Variants in TMEM272 observed in about 807,000 individuals in gnomAD.
TMEM272 encodes the protein transmembrane protein 272.
Under a neutral mutation model 3.7 loss-of-function variants are expected in TMEM272, and 8 were observed. That is an observed-to-expected ratio of 2.17 (90% CI 1.27 to 3.91). The LOEUF (loss-of-function observed/expected upper bound fraction) is 3.91. TMEM272 is among the 30% of genes most tolerant of loss of function. The probability of loss-of-function intolerance (pLI) is 0.00; values close to 1 mark genes in which losing one functional copy is unlikely to be tolerated. For synonymous variants in TMEM272, 63 were observed against 39.8 expected (o/e 1.58, Z -2.20); for missense variants, 166 against 91.5 (o/e 1.81, Z -3.32).
the TMEM272 span, among the ~76,000 whole-genome samples, chr13:51,866,859 G>A: frequency 1.3e-5 from 2 of 152,180 alleles, no homozygotes; most frequent in Non-Finnish European, 2.9e-5. Context: ...AAGTCTCATG[G>A]TCCCTGTGTT....
At chr13:51,908,553 G>A in the TMEM272 span, 34 of 1,489,914 alleles carry the variant, frequency 2.3e-5, no homozygotes, top group East Asian at 6.3e-4. Context: ...AAGAGGTGGA[G>A]GAACAAAGCC....
chr13:51,829,847 G>C (rs1045033422), intron 2 of TMEM272, among the ~76,000 whole-genome samples: 2 of 150,880 alleles, frequency 1.3e-5, no homozygotes, highest in African/African-American at 2.5e-5. Context: ...TGGAGCTAAA[G>C]GCACTTAAAA....
chr13:51,918,559 CTT>C, the TMEM272 span, among the ~76,000 whole-genome samples: 230 of 152,304 alleles, frequency 1.5e-3, no homozygotes, highest in Non-Finnish European at 4.1e-4. Context: ...GGGATTCACT[CTT>C]AGTCTCTGTA....
chr13:51,879,736 C>G, the TMEM272 span, among the ~76,000 whole-genome samples: 5 of 152,186 alleles, frequency 3.3e-5, no homozygotes, highest in Admixed American at 6.5e-5. Context: ...ACAACGGTGA[C>G]TTGCAAACGG....
the TMEM272 span, among the ~76,000 whole-genome samples, chr13:51,878,501 G>A: frequency 1.3e-5 from 2 of 151,996 alleles, no homozygotes; most frequent in African/African-American, 4.8e-5. Flanking sequence ...GAACAGCATG[G>A]GGGGGAATGC....
the TMEM272 span, among the ~76,000 whole-genome samples, chr13:51,860,638 C>CAAAA: frequency 3.8e-5 from 4 of 105,878 alleles, no homozygotes; most frequent in Non-Finnish European, 5.6e-5. Context: ...AAACATGTCT[C>CAAAA]AAAAAAAAAA....
chr13:51,859,752 G>C, the TMEM272 span, among the ~76,000 whole-genome samples: 2 of 152,060 alleles, frequency 1.3e-5, no homozygotes, highest in African/African-American at 2.4e-5. Flanking sequence ...CTTGGGAGTG[G>C]AAATCTCATT....
At chr13:51,931,559 A>G in the TMEM272 span, among the ~76,000 whole-genome samples, 2 of 152,186 alleles carry the variant, frequency 1.3e-5, no homozygotes, top group East Asian at 1.9e-4. Flanking sequence ...TGACGGGTGC[A>G]GCAAACCACA....
At chr13:51,863,226 G>A in the TMEM272 span, among the ~76,000 whole-genome samples, 1 of 152,228 alleles carries the variant, frequency 6.6e-6, no homozygotes, top group African/African-American at 2.4e-5. Context: ...GGTGCAGGCT[G>A]GGTAGGAAGG....
the TMEM272 span, among the ~76,000 whole-genome samples, chr13:51,863,082 A>C: frequency 5.1e-4 from 77 of 152,334 alleles, 1 homozygote; most frequent in Non-Finnish European, 9.3e-4. Flanking sequence ...ACAGGAATTC[A>C]AGCCCACCAC....
In TMEM272 at chr13:51,815,877, T is replaced by C. The variant is rs926604943; in HGVS notation, c.*874A>G. The C allele has an allele frequency of 6.6e-6, 1 of 152,202 alleles. No homozygotes were observed. The highest frequency in any genetic ancestry group is 1.9e-4 in the East Asian group (1 of 5,196). 9.4% of individuals were successfully genotyped at this position (152,202 alleles called of 1,614,324 possible). A position where few individuals can be genotyped will look rare whatever the true frequency, so the allele number is the denominator to read the frequency against. On this transcript the variant is annotated 3_prime_UTR_variant, in exon 5 of 5. Transcript: ENST00000629372. ...ATTAGGTTGAGGAGCTATTATTCGA[T>C]ATTTAAGCTCAGAAACCAAAAACAG...
intron 1 of TMEM272, among the ~76,000 whole-genome samples, chr13:51,840,118 G>A (rs1340240609): frequency 6.6e-6 from 1 of 152,136 alleles, no homozygotes; most frequent in Non-Finnish European, 1.5e-5. Flanking sequence ...AAGTCACCCA[G>A]CTAGTAAGTG....
the TMEM272 span, among the ~76,000 whole-genome samples, chr13:51,872,843 TA>T: frequency 6.6e-6 from 1 of 152,274 alleles, no homozygotes; most frequent in African/African-American, 2.4e-5. Flanking sequence ...CTCCAAGTTT[TA>T]TTCTTAGACG....
the TMEM272 span, among the ~76,000 whole-genome samples, chr13:51,912,828 T>C: frequency 1.3e-5 from 2 of 152,162 alleles, no homozygotes; most frequent in Non-Finnish European, 2.9e-5. Context: ...ACTGAATGGA[T>C]GAATGAATAC....
At chr13:51,928,108 C>G in the TMEM272 span, among the ~76,000 whole-genome samples, 2 of 152,008 alleles carry the variant, frequency 1.3e-5, no homozygotes, top group Non-Finnish European at 2.9e-5. Context: ...AACTGGGGGT[C>G]TGGCCTGGTG....
chr13:51,852,878 G>A, the TMEM272 span, among the ~76,000 whole-genome samples: 20 of 135,278 alleles, frequency 1.5e-4, no homozygotes, highest in East Asian at 8.1e-4. Context: ...GCAAAACTCC[G>A]TCAAAAAAAA....
chr13:51,822,726 G>A (rs569991069), intron 3 of TMEM272, among the ~76,000 whole-genome samples: 2 of 152,222 alleles, frequency 1.3e-5, no homozygotes, highest in South Asian at 2.1e-4. Context: ...GGAAACACGC[G>A]TGTACTCACA....
At chr13:51,916,973 C>T in the TMEM272 span, among the ~76,000 whole-genome samples, 1 of 152,182 alleles carries the variant, frequency 6.6e-6, no homozygotes, top group Non-Finnish European at 1.5e-5. Flanking sequence ...CTGTCTCGCT[C>T]ACCAGTGTTT....
chr13:51,878,892 A>C, the TMEM272 span, among the ~76,000 whole-genome samples: 1 of 152,204 alleles, frequency 6.6e-6, no homozygotes, highest in Non-Finnish European at 1.5e-5. Flanking sequence ...ACATAATAAA[A>C]AGATGGTAAC....
Sources: gnomAD v4.1 joint callset for allele counts (sites outside exome capture counted in the v4.1 genomes callset) on GRCh38, gnomAD v4.1.1 for gene constraint, MANE v1.5 for transcripts, NCBI Gene and HGNC (gene_info 2026-07-23, HGNC 2026-07-21) for gene names.